CACNA2D3: variants seen among roughly 807,000 people sequenced by gnomAD.
CACNA2D3 encodes the protein voltage-dependent calcium channel subunit alpha-2/delta-3.
Under a neutral mutation model 160.6 loss-of-function variants are expected in CACNA2D3, and 60 were observed. That is an observed-to-expected ratio of 0.37 (90% CI 0.30 to 0.46). The LOEUF (loss-of-function observed/expected upper bound fraction) is 0.46, where lower values mean the gene tolerates loss of function less well. Among genes scored for constraint, CACNA2D3 ranks in the 20% least tolerant of loss-of-function variants. CACNA2D3 has a pLI of 1.00. For missense variants in CACNA2D3, 1,205 were observed against 1,365.0 expected, an observed-to-expected ratio of 0.88 and a Z score of 1.85; for synonymous variants, 558 against 492.9, an observed-to-expected ratio of 1.13 and a Z score of -1.75.
intron 4 of CACNA2D3, among the ~76,000 whole-genome samples, chr3:54,483,950 A>G (rs1351531282): frequency 6.6e-6 from 1 of 152,226 alleles, no homozygotes; most frequent in Non-Finnish European, 1.5e-5. Context: ...TGCCCGGAGC[A>G]ACTCACCTGG....
chr3:54,894,077 G>A (rs59215765), intron 25 of CACNA2D3, among the ~76,000 whole-genome samples: 19,910 of 152,016 alleles, frequency 0.13, 1,393 homozygotes, highest in Non-Finnish European at 0.14. Context: ...AATGGGGGTC[G>A]GAGACTCAAT....
At chr3:54,918,362 TGGCAAAA>T in intron 27 of CACNA2D3, 3 of 583,210 alleles carry the variant, frequency 5.1e-6, no homozygotes, top group Non-Finnish European at 7.6e-6. Context: ...TTTTGTCTTT[TGGCAAAA>T]GCAAAATCAG....
chr3:54,744,885 A>G (rs968788026), intron 11 of CACNA2D3, among the ~76,000 whole-genome samples: 1 of 152,158 alleles, frequency 6.6e-6, no homozygotes, highest in African/African-American at 2.4e-5. Context: ...GAGGATCCCC[A>G]TGTTGGGGGA....
intron 2 of CACNA2D3, among the ~76,000 whole-genome samples, chr3:54,314,762 G>T (rs960363602): frequency 1.3e-5 from 2 of 152,160 alleles, no homozygotes; most frequent in Non-Finnish European, 2.9e-5. Flanking sequence ...GTTATCATGT[G>T]CTTGGTGTCT....
intron 13 of CACNA2D3, among the ~76,000 whole-genome samples, chr3:54,809,479 C>T (rs908711478): frequency 5.6e-5 from 8 of 143,740 alleles, no homozygotes; most frequent in South Asian, 2.2e-4. Flanking sequence ...CCACCGCGCC[C>T]GGCTAATTTT....
intron 16 of CACNA2D3, among the ~76,000 whole-genome samples, chr3:54,843,348 A>T (rs1040323760): frequency 1.3e-5 from 2 of 152,210 alleles, no homozygotes; most frequent in African/African-American, 4.8e-5. Context: ...GAGCCTTTTT[A>T]CAAGAGATGA....
chr3:54,178,162 A>G (rs995151081), intron 2 of CACNA2D3, among the ~76,000 whole-genome samples: 1 of 152,150 alleles, frequency 6.6e-6, no homozygotes, highest in African/African-American at 2.4e-5. Context: ...GGAGGTTACT[A>G]TGTGGTCAGT....
rs150709271 is a variant in CACNA2D3, at chr3:54,727,545, G to A, written c.1168-25054G>A. Among the ~76,000 whole-genome samples, 1,305 of 152,226 alleles carry A rather than the reference G, an allele frequency of 8.6e-3. 9 individuals are homozygous for A. The highest frequency in any genetic ancestry group is 0.024 in the Middle Eastern group (7 of 294). On this transcript the variant is annotated intron_variant, in intron 11 of 37. Coordinates refer to ENST00000474759, the MANE Select transcript of CACNA2D3 (RefSeq NM_018398.3). ...ATAATAGACTGGATAAAGAAAATGT[G>A]GCACATATACACCATGGAATACTAT...
intron 4 of CACNA2D3, among the ~76,000 whole-genome samples, chr3:54,391,802 T>C (rs1699287324): frequency 6.6e-6 from 1 of 152,154 alleles, no homozygotes; most frequent in African/African-American, 2.4e-5. Flanking sequence ...TGAGCCACCA[T>C]GCCCAGCCTG....
Position 54,908,690 on chromosome 3 carries a change from C to G in CACNA2D3, c.2449+8822C>G, listed in dbSNP as rs190207489. ...CGAGATCATGCCATTGTGCTCCAGC[C>G]TGGGTGACAGAGTGAGACCCTGTCT... On this transcript the variant is annotated intron_variant, in intron 27 of 37. Transcript: ENST00000474759. Among the ~76,000 whole-genome samples, 5 of 152,322 alleles carry G rather than the reference C, an allele frequency of 3.3e-5. No homozygotes were observed. The East Asian group carries it at 9.6e-4, about 29-fold the overall frequency.
chr3:54,659,786 G>T (rs1484559631), intron 11 of CACNA2D3, among the ~76,000 whole-genome samples: 2 of 152,152 alleles, frequency 1.3e-5, no homozygotes, highest in African/African-American at 4.8e-5. Context: ...TATCTCTGCG[G>T]TGTTTGTCTT....
chr3:54,176,227 C>T (rs1559872587), intron 2 of CACNA2D3, among the ~76,000 whole-genome samples: 2 of 152,196 alleles, frequency 1.3e-5, no homozygotes, highest in South Asian at 4.1e-4. Context: ...ATACATCCAA[C>T]CAGATTATTG....
At chr3:54,756,611 C>T (rs1056428051) in intron 12 of CACNA2D3, among the ~76,000 whole-genome samples, 1 of 152,092 alleles carries the variant, frequency 6.6e-6, no homozygotes, top group Non-Finnish European at 1.5e-5. Flanking sequence ...ACCCAAGGAG[C>T]GTCGAAGGAG....
At chr3:54,921,694 G>T (rs1700855759) in intron 27 of CACNA2D3, among the ~76,000 whole-genome samples, 1 of 152,126 alleles carries the variant, frequency 6.6e-6, no homozygotes, top group Admixed American at 6.5e-5. Context: ...ACTTGGGGAT[G>T]ACCTTAGAGG....
chr3:54,406,022 C>T (rs1284429831), intron 4 of CACNA2D3, among the ~76,000 whole-genome samples: 1 of 152,010 alleles, frequency 6.6e-6, no homozygotes. Flanking sequence ...GTTAGGATAA[C>T]TGTTGTCAAA....
intron 27 of CACNA2D3, among the ~76,000 whole-genome samples, chr3:54,917,541 A>C (rs1367297743): frequency 6.6e-6 from 1 of 152,174 alleles, no homozygotes; most frequent in African/African-American, 2.4e-5. Flanking sequence ...GAGTATGTTT[A>C]TGTGTGGGTG....
At chr3:54,552,201 A>AG (rs1702169608) in intron 5 of CACNA2D3, among the ~76,000 whole-genome samples, 1 of 152,078 alleles carries the variant, frequency 6.6e-6, no homozygotes, top group South Asian at 2.1e-4. Flanking sequence ...GAACTCTCGG[A>AG]GGGGGACTCC....
intron 27 of CACNA2D3, among the ~76,000 whole-genome samples, chr3:54,953,510 A>T (rs1053052892): frequency 1.3e-5 from 2 of 152,214 alleles, no homozygotes; most frequent in Non-Finnish European, 2.9e-5. Flanking sequence ...CAGATGGCCC[A>T]TGCTGTGCGT....
At chr3:54,402,137 T>A (rs1699479153) in intron 4 of CACNA2D3, among the ~76,000 whole-genome samples, 1 of 151,884 alleles carries the variant, frequency 6.6e-6, no homozygotes. Flanking sequence ...TATATACCAA[T>A]GATAAAGAGA....
Sources: gnomAD v4.1 joint callset for allele counts (sites outside exome capture counted in the v4.1 genomes callset) on GRCh38, gnomAD v4.1.1 for gene constraint, MANE v1.5 for transcripts, NCBI Gene and HGNC (gene_info 2026-07-23, HGNC 2026-07-21) for gene names.